The following CAB39 variants were observed in gnomAD, a reference collection of about 807,000 sequenced individuals.
CAB39 encodes calcium binding protein 39.
CAB39 carries 8 observed loss-of-function variants against 40.0 expected under a neutral mutation model. The observed-to-expected ratio is 0.20, with a 90% CI of 0.12 to 0.36. CAB39 has a LOEUF of 0.36. Among genes scored for constraint, CAB39 ranks in the 10% least tolerant of loss-of-function variants. The pLI, the probability that CAB39 is intolerant of heterozygous loss-of-function variation, is 1.00. For synonymous variants in CAB39, 156 were observed against 141.6 expected (o/e 1.10, Z -0.72); for missense variants, 270 against 401.1 (o/e 0.67, Z 2.79).
chr2:230,770,188 G>GA lies in CAB39; in HGVS notation c.114+10083dup, dbSNP rs575628123. Among the ~76,000 whole-genome samples, 460 of 148,596 alleles carry GA rather than the reference G, an allele frequency of 3.1e-3. 8 individuals carry two copies. The South Asian group carries it at 0.046, about 15-fold the overall frequency. The stretch of plus-strand genomic sequence containing the variant: ...GCTATCAAAACAAATCAGTTAAATA[G>GA]AAAAAAAAAATTAAAAGATCAAGAA... On this transcript the variant is annotated intron_variant, in intron 2 of 8. Transcript: ENST00000258418.
At position 230,713,039 on chromosome 2, in the gene CAB39, C is replaced by CA. The variant is rs1694275216; in HGVS notation, c.-234dup. On this transcript the variant is annotated 5_prime_UTR_variant, in exon 1 of 9. Coordinates refer to ENST00000258418, the MANE Select transcript of CAB39 (RefSeq NM_016289.4). ...GGCGGCAGCCGCGGGAGCCCCTGGG[C>CA]AGCCGTCCGCCCGCGCAGCCGCCGC... The CA allele has an allele frequency of 6.6e-6, 1 of 150,804 alleles. No individual in the cohort carries two copies. The highest frequency in any genetic ancestry group is 2.4e-5 in the African/African-American group (1 of 41,278). The allele number at this position is 150,804 out of a possible 1,614,324, so 9.3% of individuals were successfully genotyped here.
intron 2 of CAB39, among the ~76,000 whole-genome samples, chr2:230,767,976 C>T (rs1695416950): frequency 6.6e-6 from 1 of 152,164 alleles, no homozygotes. Context: ...ATTCCTCTTC[C>T]CCCTTATCTT....
In CAB39 at chr2:230,793,233, A is replaced by C. The variant is rs760707299; in HGVS notation, c.300A>C (p.Gln100His). ...IDFEGKKDVA[Q>H]IFNNILRRQI... ...AATAGGGCAAAAAAGACGTGGCTCA[A>C]ATTTTCAACAATATTCTCAGAAGAC... Residue 100 changes from glutamine (Q) to histidine (H), a missense_variant, in exon 4 of 9, where the codon CAA becomes CAC. By Grantham distance (24) the Gln-to-His change is conservative. Coordinates refer to ENST00000258418, the MANE Select transcript of CAB39 (RefSeq NM_016289.4). The C allele has an allele frequency of 1.9e-6, 3 of 1,611,222 alleles. No homozygotes were observed. The highest frequency in any genetic ancestry group is 1.7e-5 in the Admixed American group (1 of 59,782).
chr2:230,790,813 T>C (rs970007563), intron 2 of CAB39, 59 bp from the exon 3 acceptor site: 21 of 1,423,892 alleles, frequency 1.5e-5, no homozygotes, highest in Middle Eastern at 4.6e-4. Context: ...TGACGTGTTA[T>C]ATGTTTGTTA....
chr2:230,736,792 G>C (rs1013955403), intron 1 of CAB39, among the ~76,000 whole-genome samples: 21 of 152,028 alleles, frequency 1.4e-4, no homozygotes, highest in Admixed American at 7.9e-4. Flanking sequence ...TCAAGTTTAA[G>C]GTATCTTAGT....
At chr2:230,724,751 CTTTTTTTTTTT>C (rs576437702) in intron 1 of CAB39, among the ~76,000 whole-genome samples, 5 of 111,786 alleles carry the variant, frequency 4.5e-5, no homozygotes, top group Admixed American at 9.0e-5. Flanking sequence ...CTCGTTTAAT[CTTTTTTTTTTT>C]TTTTTTTGAA....
chr2:230,763,624 C>G (rs1695333285), intron 2 of CAB39, among the ~76,000 whole-genome samples: 1 of 151,690 alleles, frequency 6.6e-6, no homozygotes, highest in Non-Finnish European at 1.5e-5. Context: ...AAAAGAAAAC[C>G]TGGTCTCACA....
At chr2:230,804,950 A>G (rs570073361) in intron 5 of CAB39, among the ~76,000 whole-genome samples, 1 of 152,210 alleles carries the variant, frequency 6.6e-6, no homozygotes, top group Non-Finnish European at 1.5e-5. Flanking sequence ...ATGCACACGT[A>G]TATTTACTGT....
intron 1 of CAB39, among the ~76,000 whole-genome samples, chr2:230,749,688 T>C (rs1251776830): frequency 2.0e-5 from 3 of 152,228 alleles, no homozygotes; most frequent in African/African-American, 7.2e-5. Flanking sequence ...GACTTCTGAA[T>C]GTTCAGTTCT....
At chr2:230,803,945 A>G (rs1252109391) in intron 5 of CAB39, among the ~76,000 whole-genome samples, 3 of 152,230 alleles carry the variant, frequency 2.0e-5, no homozygotes, top group Non-Finnish European at 4.4e-5. Flanking sequence ...TGCCAAGACA[A>G]TCGTAAGCAC....
intron 1 of CAB39, among the ~76,000 whole-genome samples, chr2:230,759,403 A>C (rs913318588): frequency 2.6e-5 from 4 of 152,118 alleles, no homozygotes; most frequent in Admixed American, 1.3e-4. Flanking sequence ...ACCCTACCTA[A>C]CTTTTTGCCT....
chr2:230,750,412 C>T (rs1194367629), intron 1 of CAB39, among the ~76,000 whole-genome samples: 1 of 152,126 alleles, frequency 6.6e-6, no homozygotes, highest in Non-Finnish European at 1.5e-5. Context: ...AAAACCCTCA[C>T]CAGAAGCTGA....
At chr2:230,720,505 G>C (rs533403007) in intron 1 of CAB39, among the ~76,000 whole-genome samples, 1 of 152,068 alleles carries the variant, frequency 6.6e-6, no homozygotes, top group Admixed American at 6.5e-5. Context: ...GCGTGATCTC[G>C]GCTCACTGCA....
chr2:230,782,817 T>C (rs2945507), intron 2 of CAB39, among the ~76,000 whole-genome samples: 121 of 74,612 alleles, frequency 1.6e-3, no homozygotes, highest in Admixed American at 2.6e-3. Flanking sequence ...TTCTTTCTTT[T>C]TTTTTTTTTT....
Position 230,810,281 on chromosome 2 carries a change from A to G in CAB39, c.586A>G (p.Lys196Glu). Residue 196 changes from lysine (K) to glutamate (E), a missense_variant, in exon 6 of 9, where the codon AAA becomes GAA. By Grantham distance (56) the Lys-to-Glu change is moderately conservative. Transcript: ENST00000258418. The stretch of plus-strand genomic sequence containing the variant: ...TTTGTAGGATTTACTTACAAGACAT[A>G]AATTGCTCAGTGCAGAATTTTTGGA... ...ATFKDLLTRHKLLSAEFLEQH... is the reference protein window; with the variant it reads ...ATFKDLLTRHELLSAEFLEQH... The G allele has an allele frequency of 6.9e-7, 1 of 1,450,536 alleles. No homozygotes were observed. The allele number at this position is 1,450,536 out of a possible 1,614,324, so 89.9% of individuals were successfully genotyped here.
chr2:230,750,880 C>CT (rs1695074242), intron 1 of CAB39, among the ~76,000 whole-genome samples: 1 of 152,206 alleles, frequency 6.6e-6, no homozygotes, highest in Admixed American at 6.5e-5. Flanking sequence ...TTAGAAATGT[C>CT]TAAGTCAGTT....
Position 230,819,181 on chromosome 2 carries a change from G to A in CAB39, c.*477G>A, listed in dbSNP as rs1298886837. The A allele has an allele frequency of 1.3e-5, 2 of 152,546 alleles. No homozygotes were observed. The highest frequency in any genetic ancestry group is 2.9e-5 in the Non-Finnish European group (2 of 68,280). 9.4% of individuals were successfully genotyped at this position (152,546 alleles called of 1,614,324 possible). ...GCAGAGCTTTATCTGAAATCAGAGG[G>A]GAGCTATCCAAAATGGGAGTTTGGG... is the stretch of plus-strand genomic sequence containing the variant. On this transcript the variant is annotated 3_prime_UTR_variant, in exon 9 of 9. Coordinates refer to ENST00000258418, the MANE Select transcript of CAB39 (RefSeq NM_016289.4).
intron 5 of CAB39, among the ~76,000 whole-genome samples, chr2:230,805,199 A>G (rs192209406): frequency 1.3e-4 from 20 of 150,460 alleles, no homozygotes; most frequent in South Asian, 2.2e-4. Context: ...TTGAACAATG[A>G]TGAGAACCCT....
At chr2:230,802,522 TAAA>T (rs1390165411) in intron 5 of CAB39, among the ~76,000 whole-genome samples, 1 of 151,510 alleles carries the variant, frequency 6.6e-6, no homozygotes. Flanking sequence ...GCAAGACTAA[TAAA>T]AAAGAAGAGA....
Sources: allele counts gnomAD v4.1 joint callset (sites outside exome capture counted in the v4.1 genomes callset), GRCh38; gene constraint gnomAD v4.1.1; transcripts MANE v1.5; gene names NCBI Gene and HGNC (gene_info 2026-07-23, HGNC 2026-07-21).